The following PLD5 variants were observed in gnomAD, a reference collection of about 807,000 sequenced individuals.
PLD5 encodes inactive phospholipase D5.
PLD5 carries 36 observed loss-of-function variants against 61.1 expected under a neutral mutation model. That is an observed-to-expected ratio of 0.59 (90% confidence interval 0.45 to 0.78). PLD5 has a LOEUF of 0.78. Ranked by LOEUF, PLD5 falls within the 30% of genes least tolerant of loss-of-function variation. The pLI, the probability that PLD5 is intolerant of heterozygous loss-of-function variation, is 0.00. For missense variants in PLD5, 515 were observed against 644.4 expected (o/e 0.80, Z 2.17); for synonymous variants, 243 against 242.8 (o/e 1.00, Z -0.01).
intron 5 of PLD5, among the ~76,000 whole-genome samples, chr1:242,168,696 A>G (rs933989532): frequency 2.6e-5 from 4 of 152,198 alleles, no homozygotes; most frequent in African/African-American, 4.8e-5. Flanking sequence ...GCTGCAAAAC[A>G]TCTGTTTGAC....
intron 1 of PLD5, among the ~76,000 whole-genome samples, chr1:242,383,505 T>C (rs1438285252): frequency 6.6e-6 from 1 of 152,008 alleles, no homozygotes; most frequent in African/African-American, 2.4e-5. Flanking sequence ...TTTATTTTTA[T>C]AAATATCTTT....
chr1:242,304,500 T>A (rs186973333), intron 2 of PLD5, among the ~76,000 whole-genome samples: 97 of 152,370 alleles, frequency 6.4e-4, no homozygotes, highest in African/African-American at 2.2e-3. Context: ...AATTCTGTAA[T>A]GAGTGAAACT....
intron 1 of PLD5, among the ~76,000 whole-genome samples, chr1:242,363,454 TAAA>T (rs201808284): frequency 5.6e-4 from 66 of 118,912 alleles, no homozygotes; most frequent in Admixed American, 3.5e-4. Flanking sequence ...CCTGTCTCTT[TAAA>T]AAAAAAAAAA....
intron 2 of PLD5, among the ~76,000 whole-genome samples, chr1:242,334,115 C>A (rs1659361364): frequency 6.6e-6 from 1 of 152,124 alleles, no homozygotes; most frequent in Non-Finnish European, 1.5e-5. Flanking sequence ...AATCTACACT[C>A]CCACCAACAG....
chr1:242,197,459 G>A (rs1668704485), intron 5 of PLD5, among the ~76,000 whole-genome samples: 1 of 152,124 alleles, frequency 6.6e-6, no homozygotes, highest in Non-Finnish European at 1.5e-5. Flanking sequence ...CAGCCACACA[G>A]GTGACTGACT....
chr1:242,215,089 C>T (rs7533993), intron 5 of PLD5, among the ~76,000 whole-genome samples: 42,023 of 147,220 alleles, frequency 0.29, 6,581 homozygotes, highest in South Asian at 0.4. Flanking sequence ...GGGGTTTCAC[C>T]GTGTTAACCA....
At chr1:242,247,316 G>A (rs1672448979) in intron 4 of PLD5, among the ~76,000 whole-genome samples, 1 of 152,204 alleles carries the variant, frequency 6.6e-6, no homozygotes, top group Non-Finnish European at 1.5e-5. Context: ...GGTTGAAAGA[G>A]TTAAGCTTTG....
chr1:242,124,528 A>T lies in PLD5; in HGVS notation c.873T>A (p.Tyr291Ter). Residue 291 changes from tyrosine to a stop codon, truncating the protein, a stop_gained, in exon 6 of 10, where the codon TAT becomes TAA. Transcript: ENST00000536534. LOFTEE classifies it high-confidence loss of function. The stretch of plus-strand genomic sequence containing the variant: ...GAAGTTGCAATTTCTTTTCATTGTC[A>T]TAGACTCCATAGAGTCTTTTGGACC... ...QTWSKRLYGV[Y>*]DNEKKLQLQL... 1 of 1,614,126 alleles carries T rather than the reference A, an allele frequency of 6.2e-7. No homozygotes were observed.
At chr1:242,094,767 T>G (rs1314864246) in intron 9 of PLD5, among the ~76,000 whole-genome samples, 2 of 152,128 alleles carry the variant, frequency 1.3e-5, no homozygotes, top group African/African-American at 4.8e-5. Flanking sequence ...ACTATCTTGT[T>G]TAAGCCTCAT....
At chr1:242,166,148 A>G (rs1031388683) in intron 5 of PLD5, among the ~76,000 whole-genome samples, 1 of 152,186 alleles carries the variant, frequency 6.6e-6, no homozygotes, top group African/African-American at 2.4e-5. Context: ...GGAGAACACA[A>G]GGCTGGGCTC....
chr1:242,498,468 A>G (rs1240180847), intron 1 of PLD5, among the ~76,000 whole-genome samples: 3 of 152,354 alleles, frequency 2.0e-5, no homozygotes, highest in Non-Finnish European at 2.9e-5. Context: ...TAGAAAATGT[A>G]CAAAATACAT....
intron 5 of PLD5, among the ~76,000 whole-genome samples, chr1:242,160,008 T>TC (rs946964795): frequency 9.2e-5 from 14 of 151,678 alleles, no homozygotes; most frequent in Non-Finnish European, 1.8e-4. Flanking sequence ...TCTTTTTTTT[T>TC]CCCTTTTATT....
intron 1 of PLD5, among the ~76,000 whole-genome samples, chr1:242,380,032 T>A (rs537969726): frequency 2.0e-5 from 3 of 152,194 alleles, no homozygotes; most frequent in Non-Finnish European, 4.4e-5. Flanking sequence ...TAAGAACAAG[T>A]GTATTATCTG....
At chr1:242,226,904 TAAGA>T (rs889987421) in intron 4 of PLD5, among the ~76,000 whole-genome samples, 2 of 152,192 alleles carry the variant, frequency 1.3e-5, no homozygotes, top group Non-Finnish European at 2.9e-5. Context: ...TGTTAAAATT[TAAGA>T]GAGAAAATGA....
In PLD5 at chr1:242,087,624, T is replaced by G. The variant is rs1358514515; in HGVS notation, c.*2230A>C. ...TTCTTTCCTTTCTGTATTTATTTAT[T>G]TTTAGAGGCAGGATCTTGCTATGCT... On this transcript the variant is annotated 3_prime_UTR_variant, in exon 10 of 10. Coordinates refer to ENST00000536534, the MANE Select transcript of PLD5 (RefSeq NM_001372062.1). 2 of 152,204 alleles carry G rather than the reference T, an allele frequency of 1.3e-5. No homozygotes were observed. Among genetic ancestry groups the G allele is most frequent in the East Asian group, 3.8e-4 (2 of 5,196 alleles). 9.4% of individuals were successfully genotyped at this position (152,204 alleles called of 1,614,324 possible).
At chr1:242,096,738 AT>A (rs536736680) in intron 9 of PLD5, among the ~76,000 whole-genome samples, 1 of 123,494 alleles carries the variant, frequency 8.1e-6, no homozygotes, top group South Asian at 2.5e-4. Context: ...CTGGACTTTT[AT>A]TTTTTATTTT....
At chr1:242,504,707 T>C (rs1252068960) in intron 1 of PLD5, among the ~76,000 whole-genome samples, 2 of 152,192 alleles carry the variant, frequency 1.3e-5, no homozygotes, top group African/African-American at 2.4e-5. Flanking sequence ...AAAAAATCCA[T>C]TTTGAATATT....
intron 1 of PLD5, among the ~76,000 whole-genome samples, chr1:242,481,939 A>G (rs1007719041): frequency 9.2e-5 from 14 of 152,210 alleles, no homozygotes; most frequent in Non-Finnish European, 1.5e-4. Flanking sequence ...GCTGATACTC[A>G]GGAAAACAGG....
At chr1:242,483,931 A>T (rs1182148131) in intron 1 of PLD5, among the ~76,000 whole-genome samples, 1 of 151,844 alleles carries the variant, frequency 6.6e-6, no homozygotes, top group East Asian at 1.9e-4. Context: ...AACTACATGG[A>T]AACTGGACAA....
Sources: gnomAD v4.1 joint callset for allele counts (sites outside exome capture counted in the v4.1 genomes callset) on GRCh38, gnomAD v4.1.1 for gene constraint, MANE v1.5 for transcripts, NCBI Gene and HGNC (gene_info 2026-07-23, HGNC 2026-07-21) for gene names.